ZFHX3: variants seen among roughly 807,000 people sequenced by gnomAD.
The protein encoded by ZFHX3 is zinc finger homeobox protein 3.
ZFHX3 carries 42 observed loss-of-function variants against 279.1 expected under a neutral mutation model. The observed-to-expected ratio is 0.15, with a 90% confidence interval of 0.12 to 0.19. The LOEUF (loss-of-function observed/expected upper bound fraction) is 0.19, where lower values mean the gene tolerates loss of function less well. Among genes scored for constraint, ZFHX3 ranks in the 10% least tolerant of loss-of-function variants. The pLI is 1.00. For missense variants in ZFHX3, 4,981 were observed against 4,754.0 expected, an observed-to-expected ratio of 1.05 and a Z score of -1.40; for synonymous variants, 2,293 against 1,957.8, an observed-to-expected ratio of 1.17 and a Z score of -4.52.
At chr16:73,765,740 A>T (rs1200115657) in intron 1 of ZFHX3, among the ~76,000 whole-genome samples, 1 of 152,234 alleles carries the variant, frequency 6.6e-6, no homozygotes, top group Non-Finnish European at 1.5e-5. Context: ...TTTGAGTTCC[A>T]CAAAAAATAA....
intron 4 of ZFHX3, among the ~76,000 whole-genome samples, chr16:72,874,867 CT>C (rs568051490): frequency 4.6e-5 from 7 of 152,150 alleles, no homozygotes; most frequent in African/African-American, 1.7e-4. Context: ...AAAGAATAAC[CT>C]TTTTTTCCCC....
At chr16:73,783,410 A>C (rs1323263525) in intron 1 of ZFHX3, among the ~76,000 whole-genome samples, 1 of 152,114 alleles carries the variant, frequency 6.6e-6, no homozygotes, top group Non-Finnish European at 1.5e-5. Context: ...CCTCCTTTAC[A>C]CAAGTCTCCA....
chr16:73,529,453 C>T (rs1019522952), intron 2 of ZFHX3, among the ~76,000 whole-genome samples: 6 of 152,168 alleles, frequency 3.9e-5, no homozygotes, highest in African/African-American at 1.4e-4. Flanking sequence ...AGAAACTTAG[C>T]ATGGCACCCA....
chr16:73,643,242 T>C (rs114376130), intron 2 of ZFHX3, among the ~76,000 whole-genome samples: 1,536 of 148,280 alleles, frequency 0.01, 35 homozygotes, highest in African/African-American at 0.039. Context: ...CCTCACAGAA[T>C]TTTTTTGGGA....
intron 5 of ZFHX3, among the ~76,000 whole-genome samples, chr16:73,153,145 C>T (rs531341600): frequency 6.6e-6 from 1 of 152,064 alleles, no homozygotes; most frequent in Non-Finnish European, 1.5e-5. Flanking sequence ...AAACCACTTG[C>T]CAAACCAGTG....
At chr16:73,841,101 A>G (rs541792285) in intron 1 of ZFHX3, among the ~76,000 whole-genome samples, 6 of 152,266 alleles carry the variant, frequency 3.9e-5, no homozygotes, top group African/African-American at 1.4e-4. Flanking sequence ...AAGCGGAGAA[A>G]AGTCTTCCTT....
intron 2 of ZFHX3, among the ~76,000 whole-genome samples, chr16:73,496,181 C>A (rs188832907): frequency 6.6e-6 from 1 of 152,350 alleles, no homozygotes; most frequent in East Asian, 1.9e-4. Flanking sequence ...CAGTTGGAAG[C>A]CCCTAGGCCC....
intron 4 of ZFHX3, among the ~76,000 whole-genome samples, chr16:72,866,696 C>A (rs2038032791): frequency 6.6e-6 from 1 of 152,160 alleles, no homozygotes; most frequent in African/African-American, 2.4e-5. Flanking sequence ...GAGATGGGTG[C>A]TGGGTCTAAG....
chr16:72,974,568 A>AACACACACACACAC (rs59350988), intron 1 of ZFHX3, among the ~76,000 whole-genome samples: 1,768 of 148,314 alleles, frequency 0.012, 41 homozygotes, highest in African/African-American at 0.039. Flanking sequence ...CTGATAGGGC[A>AACACACACACACAC]ACACACACAC....
intron 3 of ZFHX3, among the ~76,000 whole-genome samples, chr16:73,347,732 GC>G (rs2143275689): frequency 6.6e-6 from 1 of 152,364 alleles, no homozygotes; most frequent in South Asian, 2.1e-4. Context: ...AGTGATGGAG[GC>G]AGGCAGCTGT....
intron 8 of ZFHX3, among the ~76,000 whole-genome samples, chr16:73,068,344 C>T (rs1183967): frequency 0.16 from 24,331 of 152,046 alleles, 2,786 homozygotes; most frequent in East Asian, 0.51. Context: ...TGGGCTGAGG[C>T]GCAGGAAATA....
At chr16:73,541,363 G>A (rs2020007998) in intron 2 of ZFHX3, among the ~76,000 whole-genome samples, 1 of 152,028 alleles carries the variant, frequency 6.6e-6, no homozygotes, top group Admixed American at 6.6e-5. Flanking sequence ...GTGCACACCT[G>A]TGGTCCCAGC....
chr16:73,251,249 A>T (rs766145594), intron 5 of ZFHX3, among the ~76,000 whole-genome samples: 16 of 152,194 alleles, frequency 1.1e-4, no homozygotes, highest in African/African-American at 1.4e-4. Context: ...ATGGGTACTA[A>T]CTCACCAACT....
intron 8 of ZFHX3, among the ~76,000 whole-genome samples, chr16:73,074,275 T>C (rs927883625): frequency 3.9e-5 from 6 of 152,224 alleles, no homozygotes; most frequent in African/African-American, 1.4e-4. Flanking sequence ...AGGCGCAATG[T>C]TGGAGGTGAC....
intron 3 of ZFHX3, among the ~76,000 whole-genome samples, chr16:72,915,327 C>G (rs1472812462): frequency 6.6e-6 from 1 of 152,210 alleles, no homozygotes; most frequent in Non-Finnish European, 1.5e-5. Context: ...ACTGGGCAGA[C>G]AGCAGATCTT....
intron 3 of ZFHX3, among the ~76,000 whole-genome samples, chr16:73,426,905 A>G (rs927650241): frequency 9.2e-5 from 14 of 152,200 alleles, no homozygotes; most frequent in African/African-American, 3.4e-4. Context: ...ACATGCATAA[A>G]GATGTCAACG....
chr16:73,455,529 G>T (rs1021729835), intron 3 of ZFHX3, among the ~76,000 whole-genome samples: 7 of 152,090 alleles, frequency 4.6e-5, no homozygotes, highest in Non-Finnish European at 4.4e-5. Context: ...ATGTGTATGT[G>T]GAAGCCAGCA....
chr16:73,268,434 T>C (rs2014042512), intron 4 of ZFHX3, among the ~76,000 whole-genome samples: 1 of 152,160 alleles, frequency 6.6e-6, no homozygotes, highest in Admixed American at 6.5e-5. Flanking sequence ...TCCCAGACCC[T>C]ACCCACAGGA....
intron 5 of ZFHX3, among the ~76,000 whole-genome samples, chr16:73,254,847 A>C (rs2013616992): frequency 6.6e-6 from 1 of 152,176 alleles, no homozygotes; most frequent in Non-Finnish European, 1.5e-5. Flanking sequence ...GGGGAAATAG[A>C]ATATGAGAGA....
Sources: allele counts gnomAD v4.1 joint callset (sites outside exome capture counted in the v4.1 genomes callset), GRCh38; gene constraint gnomAD v4.1.1; transcripts MANE v1.5; gene names NCBI Gene and HGNC (gene_info 2026-07-23, HGNC 2026-07-21).